Variants in PRDM10 observed in about 807,000 individuals in gnomAD.
PRDM10 encodes PR/SET domain 10.
PRDM10 carries 65 observed loss-of-function variants against 133.1 expected under a neutral mutation model. The ratio of observed to expected loss-of-function variants is 0.49; its 90% CI spans 0.40 to 0.60. The LOEUF (loss-of-function observed/expected upper bound fraction) is 0.60, where lower values mean the gene tolerates loss of function less well. PRDM10 is among the 20% of genes least tolerant of loss of function. PRDM10 has a pLI of 0.00. For synonymous variants in PRDM10, 582 were observed against 580.4 expected (o/e 1.00, Z -0.04); for missense variants, 1,137 against 1,507.1 (o/e 0.75, Z 4.07).
In PRDM10 at chr11:129,923,879, C is replaced by G. The variant is rs544932709; in HGVS notation, c.1879-476G>C. On this transcript the variant is annotated intron_variant, in intron 12 of 20. Transcript: ENST00000360871. The surrounding 1 kb of genome is among the most constrained non-coding windows in gnomAD (Gnocchi z 4.4). ...AATTTAGCCCCTTTTGATCCTTTTA[C>G]ATCTTCTTATAAAATTAAGTTCTGA... is the stretch of plus-strand genomic sequence containing the variant. Among the ~76,000 whole-genome samples the G allele has an allele frequency of 2.0e-5, 3 of 152,380 alleles. No homozygotes were observed. The highest frequency in any genetic ancestry group is 7.2e-5 in the African/African-American group (3 of 41,600).
chr11:129,939,192 C>T (rs773871335), intron 7 of PRDM10, among the ~76,000 whole-genome samples: 2 of 152,190 alleles, frequency 1.3e-5, no homozygotes, highest in Non-Finnish European at 2.9e-5. Flanking sequence ...TCCATGTCTG[C>T]TCTAGAATAC....
chr11:129,923,681 AGAGAGAGAGAGAGT>A lies in PRDM10; in HGVS notation c.1879-292_1879-279del, dbSNP rs1376583369. 2.0e-3 allele frequency among the ~76,000 whole-genome samples: 297 copies of A among 151,450 alleles called. 4 individuals are homozygous for A. Among genetic ancestry groups the A allele is most frequent in the African/African-American group, 5.6e-3 (232 of 41,144 alleles). The stretch of plus-strand genomic sequence containing the variant: ...GAGAGAGAGAGAGAGAGAGAGAGAG[AGAGAGAGAGAGAGT>A]GCTTGCTTGGTCAAAGCCCTGATCA... On this transcript the variant is annotated intron_variant, in intron 12 of 20. Coordinates refer to ENST00000360871, the MANE Select transcript of PRDM10 (RefSeq NM_199437.2). The surrounding 1 kb of genome is among the most constrained non-coding windows in gnomAD (Gnocchi z 4.4).
At position 129,946,801 on chromosome 11, in the gene PRDM10, G is replaced by A. The variant is rs139247700; in HGVS notation, c.520+344C>T. 1.0e-3 allele frequency among the ~76,000 whole-genome samples: 152 copies of A among 152,342 alleles called. 2 individuals are homozygous for A. In the Middle Eastern group the frequency reaches 0.01, roughly 10 times the overall value. On this transcript the variant is annotated intron_variant, in intron 5 of 20. Transcript: ENST00000360871. ...ACTTGTTAAAGCTGAAGTGGCTGAA[G>A]AGCGCAGGATCGGGCAAATCTACCA...
At chr11:129,967,760 A>T (rs1004759056) in intron 1 of PRDM10, among the ~76,000 whole-genome samples, 1 of 152,180 alleles carries the variant, frequency 6.6e-6, no homozygotes, top group Non-Finnish European at 1.5e-5. Context: ...AGTGAGGGGA[A>T]TTAGGAAGGA....
chr11:129,934,127 T>C (rs1184336426), intron 9 of PRDM10, among the ~76,000 whole-genome samples: 1 of 152,214 alleles, frequency 6.6e-6, no homozygotes, highest in African/African-American at 2.4e-5. Flanking sequence ...TCTCAATGTG[T>C]GTTATGAGCA....
At chr11:129,922,030 C>G (rs1950536274) in intron 13 of PRDM10, among the ~76,000 whole-genome samples, 1 of 152,142 alleles carries the variant, frequency 6.6e-6, no homozygotes, top group African/African-American at 2.4e-5. Flanking sequence ...TGTGGGCATA[C>G]TGCTGACTTC....
chr11:129,961,445 C>T (rs1481776603), intron 1 of PRDM10, among the ~76,000 whole-genome samples: 5 of 152,100 alleles, frequency 3.3e-5, no homozygotes, highest in South Asian at 2.1e-4. Flanking sequence ...GCTGGGACTA[C>T]GGGCACGAGC....
intron 4 of PRDM10, among the ~76,000 whole-genome samples, chr11:129,948,635 G>A (rs2135889935): frequency 6.6e-6 from 1 of 152,226 alleles, no homozygotes; most frequent in Middle Eastern, 3.4e-3. Context: ...CTTTGGTTAG[G>A]GCCCAGGACT....
intron 1 of PRDM10, among the ~76,000 whole-genome samples, chr11:129,984,507 C>T (rs1396082796): frequency 2.4e-4 from 37 of 152,272 alleles, no homozygotes; most frequent in Non-Finnish European, 5.9e-5. Flanking sequence ...CTGTCCCCTC[C>T]CTGCCTCGGC....
At chr11:129,937,751 C>T in intron 7 of PRDM10, 81 bp from the exon 8 acceptor site, 1 of 1,303,948 alleles carries the variant, frequency 7.7e-7, no homozygotes, top group Non-Finnish European at 1.1e-6. Context: ...CTCCTGCTTA[C>T]AGGAAACAAT....
chr11:129,930,905 A>G (rs900436982), intron 11 of PRDM10, 111 bp downstream of exon 11: 1 of 1,412,122 alleles, frequency 7.1e-7, no homozygotes, highest in Non-Finnish European at 9.5e-7. Context: ...GTGACAGGCT[A>G]GATGCAAGAT....
intron 1 of PRDM10, among the ~76,000 whole-genome samples, chr11:129,979,361 G>C (rs1048773786): frequency 2.6e-5 from 4 of 151,796 alleles, no homozygotes; most frequent in African/African-American, 9.7e-5. Context: ...CTCTCCCCAG[G>C]ATACCCACCA....
At position 129,947,068 on chromosome 11, in the gene PRDM10, G is replaced by T; in HGVS notation, c.520+77C>A. 1 of 1,558,396 alleles carries T rather than the reference G, an allele frequency of 6.4e-7. No individual in the cohort carries two copies. Among genetic ancestry groups the T allele is most frequent in the Non-Finnish European group, 8.7e-7 (1 of 1,147,444 alleles). ...GAAGGACCTGACGCACGGGAGCTAT[G>T]TTCACACACACGCACACGTACACAG... On this transcript the variant is annotated intron_variant, in intron 5 of 20. Transcript: ENST00000360871. This position sits in a 1 kb window ranked among gnomAD's most constrained non-coding sequence, Gnocchi z 4.6.
At chr11:129,931,965 C>G (rs1210180666) in intron 10 of PRDM10, 137 bp downstream of exon 10, 2 of 1,160,970 alleles carry the variant, frequency 1.7e-6, no homozygotes, top group Non-Finnish European at 2.4e-6. Flanking sequence ...TCCAATCATT[C>G]TTTAATTAAC....
chr11:129,991,282 G>A (rs1938729308), intron 1 of PRDM10, among the ~76,000 whole-genome samples: 2 of 152,320 alleles, frequency 1.3e-5, no homozygotes, highest in South Asian at 4.1e-4. Context: ...TTAAACAATT[G>A]TTTTGGGAAT....
chr11:129,944,584 C>CAAA (rs36041173), intron 6 of PRDM10, among the ~76,000 whole-genome samples, 187 bp downstream of exon 6: 2 of 109,310 alleles, frequency 1.8e-5, no homozygotes, highest in Admixed American at 9.0e-5. Flanking sequence ...GACTCCGTCT[C>CAAA]AAAAAAAAAA....
In PRDM10 at chr11:129,901,033, G is replaced by A. The variant is rs1424633641; in HGVS notation, c.*1280C>T. Reference sequence around the variant, plus strand: ...GTTCTGGAGTAATAAATTCTACTATGCAATAATTATTCTGAAAATGTGTTA... The same window carrying A: ...GTTCTGGAGTAATAAATTCTACTATACAATAATTATTCTGAAAATGTGTTA... On this transcript the variant is annotated 3_prime_UTR_variant, in exon 21 of 21. Transcript: ENST00000360871. 1 of 152,568 alleles carries A rather than the reference G, an allele frequency of 6.6e-6. No homozygotes were observed. The highest frequency in any genetic ancestry group is 1.5e-5 in the Non-Finnish European group (1 of 68,024). 9.5% of individuals were successfully genotyped at this position (152,568 alleles called of 1,614,324 possible). A position where few individuals can be genotyped will look rare whatever the true frequency, so the allele number is the denominator to read the frequency against.
At chr11:129,954,428 A>G (rs1452750526) in intron 4 of PRDM10, among the ~76,000 whole-genome samples, 1 of 151,652 alleles carries the variant, frequency 6.6e-6, no homozygotes. Context: ...ATGCCTGGCT[A>G]AGTTTTTTGT....
At chr11:129,971,824 G>A (rs375907554) in intron 1 of PRDM10, among the ~76,000 whole-genome samples, 1 of 152,358 alleles carries the variant, frequency 6.6e-6, no homozygotes, top group East Asian at 1.9e-4. Context: ...GTCCCGTGCC[G>A]TGCGCTCGCA....
Sources: allele counts gnomAD v4.1 joint callset (sites outside exome capture counted in the v4.1 genomes callset), GRCh38; gene constraint gnomAD v4.1.1; non-coding constraint Gnocchi (gnomAD v3.1); transcripts MANE v1.5; gene names NCBI Gene and HGNC (gene_info 2026-07-23, HGNC 2026-07-21).